The following SPATA31H1 variants were observed in gnomAD, a reference collection of about 807,000 sequenced individuals.
SPATA31H1 encodes the protein SPATA31 subfamily H member 1.
At chr2:27,547,258 C>G in the SPATA31H1 span, among the ~76,000 whole-genome samples, 1 of 151,310 alleles carries the variant, frequency 6.6e-6, no homozygotes, top group Non-Finnish European at 1.5e-5. Flanking sequence ...ACTGCAACTT[C>G]CGCCTTCCAG....
chr2:27,538,450 T>C, the SPATA31H1 span, among the ~76,000 whole-genome samples: 3 of 152,102 alleles, frequency 2.0e-5, no homozygotes, highest in Non-Finnish European at 2.9e-5. Context: ...CCAGTAAGCT[T>C]ATATGGTAGT....
At chr2:27,568,322 G>A in the SPATA31H1 span, 35 of 398,862 alleles carry the variant, frequency 8.8e-5, no homozygotes, top group Non-Finnish European at 1.3e-4. Context: ...CAGGGCCACA[G>A]CATAAAGTCA....
the SPATA31H1 span, chr2:27,580,383 C>G: frequency 2.5e-6 from 4 of 1,614,060 alleles, no homozygotes; most frequent in South Asian, 3.3e-5. Context: ...TGAAAGCACT[C>G]AGAATGAAAA....
At chr2:27,581,080 T>C in the SPATA31H1 span, 299 of 1,614,000 alleles carry the variant, frequency 1.9e-4, no homozygotes, top group Non-Finnish European at 2.4e-4. Context: ...TCTAAGAACT[T>C]GTCCACACCA....
At chr2:27,565,980 T>TCATTTGCAAAAAGAGGG in the SPATA31H1 span, 1 of 714,174 alleles carries the variant, frequency 1.4e-6, no homozygotes, top group East Asian at 2.7e-5. Flanking sequence ...AAGAGGGGGT[T>TCATTTGCAAAAAGAGGG]GGACAAAATG....
the SPATA31H1 span, chr2:27,578,327 T>C: frequency 6.2e-7 from 1 of 1,614,146 alleles, no homozygotes; most frequent in Non-Finnish European, 8.5e-7. Context: ...TGACAGGGTT[T>C]CAAATTGTAA....
At chr2:27,581,247 C>T in the SPATA31H1 span, 3,173 of 1,614,244 alleles carry the variant, frequency 2.0e-3, 54 homozygotes, top group African/African-American at 0.033. Flanking sequence ...GAGAACCCGT[C>T]ATAACCCCTC....
chr2:27,579,579 A>G, the SPATA31H1 span: 8 of 1,614,114 alleles, frequency 5.0e-6, no homozygotes, highest in Middle Eastern at 3.3e-4. Flanking sequence ...GACAAACTCA[A>G]CGTTCAATGG....
the SPATA31H1 span, among the ~76,000 whole-genome samples, chr2:27,544,636 G>A: frequency 4.0e-5 from 6 of 149,856 alleles, no homozygotes; most frequent in East Asian, 1.2e-3. Context: ...CCAGATTCAA[G>A]CGATTCTCTT....
chr2:27,545,815 G>A, the SPATA31H1 span, among the ~76,000 whole-genome samples: 4 of 151,746 alleles, frequency 2.6e-5, no homozygotes, highest in South Asian at 6.3e-4. Flanking sequence ...TGCCCCCCTC[G>A]GTCTCCCAAA....
chr2:27,541,407 A>G, the SPATA31H1 span, among the ~76,000 whole-genome samples: 2 of 150,910 alleles, frequency 1.3e-5, no homozygotes, highest in Admixed American at 6.6e-5. Context: ...GGGAAGGGGG[A>G]GAGAGAGAGG....
chr2:27,571,479 C>G, the SPATA31H1 span: 1 of 398,416 alleles, frequency 2.5e-6, no homozygotes, highest in South Asian at 1.3e-4. Context: ...GGAGTTGACT[C>G]CATGTTCAAG....
chr2:27,577,700 G>C, the SPATA31H1 span: 1 of 1,614,046 alleles, frequency 6.2e-7, no homozygotes, highest in Middle Eastern at 1.6e-4. The surrounding 1 kb of genome is among the most constrained non-coding windows in gnomAD (Gnocchi z 4.5). Context: ...AGAAAACTTT[G>C]CAATTAACCC....
chr2:27,565,248 C>A, the SPATA31H1 span: 2 of 676,382 alleles, frequency 3.0e-6, no homozygotes, highest in South Asian at 1.7e-5. Flanking sequence ...GTATCAATAT[C>A]TGATATCTAA....
At chr2:27,576,639 G>C in the SPATA31H1 span, 1 of 1,612,848 alleles carries the variant, frequency 6.2e-7, no homozygotes, top group African/African-American at 1.3e-5. Flanking sequence ...AGGATGGCAA[G>C]ATGTGAAATC....
the SPATA31H1 span, among the ~76,000 whole-genome samples, chr2:27,550,381 G>A: frequency 2.1e-5 from 3 of 141,242 alleles, no homozygotes; most frequent in East Asian, 6.1e-4. Flanking sequence ...TTTCCAGTCT[G>A]CAAATAGTTT....
At chr2:27,553,564 A>G in the SPATA31H1 span, among the ~76,000 whole-genome samples, 4 of 152,040 alleles carry the variant, frequency 2.6e-5, no homozygotes, top group Non-Finnish European at 5.9e-5. Flanking sequence ...TCTTCAAGTC[A>G]ATTCTTCTCT....
chr2:27,579,048 A>C, the SPATA31H1 span: 1 of 1,614,214 alleles, frequency 6.2e-7, no homozygotes, highest in Non-Finnish European at 8.5e-7. Context: ...TAAAGAGACA[A>C]CTAAGAGGAA....
At chr2:27,573,906 A>T in the SPATA31H1 span, 1 of 398,448 alleles carries the variant, frequency 2.5e-6, no homozygotes, top group Non-Finnish European at 4.4e-6. Flanking sequence ...GGCTCATCAG[A>T]CAGAACTTCC....
Sources: allele counts gnomAD v4.1 joint callset (sites outside exome capture counted in the v4.1 genomes callset), GRCh38; gene constraint gnomAD v4.1.1; non-coding constraint Gnocchi (gnomAD v3.1); transcripts MANE v1.5; gene names NCBI Gene and HGNC (gene_info 2026-07-23, HGNC 2026-07-21).